GRM1: variants seen among roughly 807,000 people sequenced by gnomAD.
The protein encoded by GRM1 is metabotropic glutamate receptor 1.
In GRM1, 33 loss-of-function variants were observed where a neutral mutation model predicts 90.9. That is an observed-to-expected ratio of 0.36 (90% CI 0.28 to 0.49). The LOEUF (loss-of-function observed/expected upper bound fraction) is 0.49, where lower values mean the gene tolerates loss of function less well. GRM1 is among the 20% of genes least tolerant of loss of function. The probability of loss-of-function intolerance (pLI) is 0.99; values close to 1 mark genes in which losing one functional copy is unlikely to be tolerated. For synonymous variants in GRM1, 700 were observed against 613.2 expected (o/e 1.14, Z -2.09); for missense variants, 1,190 against 1,534.3 (o/e 0.78, Z 3.75).
intron 2 of GRM1, among the ~76,000 whole-genome samples, chr6:146,272,232 C>T (rs1369331085): frequency 6.6e-6 from 1 of 152,182 alleles, no homozygotes; most frequent in Non-Finnish European, 1.5e-5. Flanking sequence ...CTTTTGAGCT[C>T]ATCATTTAAA....
chr6:146,160,698 T>C (rs143351972), intron 2 of GRM1, among the ~76,000 whole-genome samples: 1 of 152,244 alleles, frequency 6.6e-6, no homozygotes, highest in Non-Finnish European at 1.5e-5. Context: ...TAATAATGAC[T>C]GCAATTCTAG....
intron 2 of GRM1, among the ~76,000 whole-genome samples, chr6:146,161,745 C>T (rs1020362642): frequency 3.3e-5 from 5 of 152,148 alleles, no homozygotes; most frequent in Non-Finnish European, 5.9e-5. Context: ...CTACTTTCCA[C>T]GAGTGTCTAT....
chr6:146,136,213 G>C (rs1484126176), intron 1 of GRM1, among the ~76,000 whole-genome samples: 1 of 152,146 alleles, frequency 6.6e-6, no homozygotes, highest in East Asian at 1.9e-4. Flanking sequence ...GCAAATCTTA[G>C]TCATGGTAAA....
At chr6:146,426,235 A>G (rs977583526) in intron 7 of GRM1, among the ~76,000 whole-genome samples, 4 of 152,340 alleles carry the variant, frequency 2.6e-5, no homozygotes, top group African/African-American at 9.6e-5. Context: ...CAGTGTAAGT[A>G]GAGATGAAGT....
chr6:146,046,597 T>C (rs1230852293), intron 1 of GRM1, among the ~76,000 whole-genome samples: 1 of 152,004 alleles, frequency 6.6e-6, no homozygotes, highest in Non-Finnish European at 1.5e-5. Flanking sequence ...AGCCAGCAAG[T>C]TAGTCAATTT....
At position 146,428,420 on chromosome 6, in the gene GRM1, T is replaced by C. The variant is rs191206045; in HGVS notation, c.2661-5452T>C. Among the ~76,000 whole-genome samples, 492 of 152,296 alleles carry C rather than the reference T, an allele frequency of 3.2e-3. 1 individual carries two copies. Among genetic ancestry groups the C allele is most frequent in the African/African-American group, 0.011 (450 of 41,556 alleles). On this transcript the variant is annotated intron_variant, in intron 7 of 7. Transcript: ENST00000282753. ...GTAATTTTTATTGCAATTAGAAAAT[T>C]GGTGAATTTTCCAGTTGCAGGAAAT... is the stretch of plus-strand genomic sequence containing the variant.
intron 5 of GRM1, among the ~76,000 whole-genome samples, chr6:146,362,497 G>C (rs962431053): frequency 6.6e-6 from 1 of 151,816 alleles, no homozygotes; most frequent in African/African-American, 2.4e-5. Context: ...GGCTAACATG[G>C]TGAAACCCCA....
intron 1 of GRM1, among the ~76,000 whole-genome samples, chr6:146,049,052 T>TAA (rs11421228): frequency 2.0e-5 from 3 of 148,360 alleles, no homozygotes; most frequent in East Asian, 4.0e-4. Context: ...CTGCATGTGC[T>TAA]AAAAAAAAAA....
chr6:146,088,353 G>C (rs1232782970), intron 1 of GRM1, among the ~76,000 whole-genome samples: 1 of 152,000 alleles, frequency 6.6e-6, no homozygotes, highest in Non-Finnish European at 1.5e-5. Flanking sequence ...TTCTTTGCCA[G>C]GTATGTGGTC....
Position 146,029,997 on chromosome 6 carries a change from CG to C in GRM1, c.482del (p.Gly161ValfsTer7). 1 of 1,614,130 alleles carries C rather than the reference CG, an allele frequency of 6.2e-7. No individual in the cohort carries two copies. Among genetic ancestry groups the C allele is most frequent in the Non-Finnish European group, 8.5e-7 (1 of 1,180,020 alleles). ...CTAAGAAGCCCATTGCGGGAGTGATCGGTCCCGGCTCCAGCTCTGTAGCCAT... is the reference window on the plus strand; with the variant it reads ...CTAAGAAGCCCATTGCGGGAGTGATCGTCCCGGCTCCAGCTCTGTAGCCAT... ...RTKKPIAGVI[G>X]PGSSSVAIQV... On this transcript the variant is annotated frameshift_variant, in exon 1 of 8. Coordinates refer to ENST00000282753, the MANE Select transcript of GRM1 (RefSeq NM_001278064.2). LOFTEE classifies it high-confidence loss of function.
chr6:146,397,253 C>T (rs1172653145), intron 6 of GRM1, among the ~76,000 whole-genome samples: 1 of 151,846 alleles, frequency 6.6e-6, no homozygotes, highest in Non-Finnish European at 1.5e-5. Flanking sequence ...GAGGCCGAGG[C>T]AGGCTGATCA....
At chr6:146,213,716 A>G (rs1002651554) in intron 2 of GRM1, among the ~76,000 whole-genome samples, 1 of 152,046 alleles carries the variant, frequency 6.6e-6, no homozygotes, top group African/African-American at 2.4e-5. Context: ...AGATAGATAG[A>G]TAGATAGATA....
At chr6:146,286,223 A>G (rs1782762335) in intron 2 of GRM1, among the ~76,000 whole-genome samples, 1 of 152,154 alleles carries the variant, frequency 6.6e-6, no homozygotes, top group Non-Finnish European at 1.5e-5. Flanking sequence ...ACACCTAAAT[A>G]TGTAACTATT....
rs531929357 is a variant in GRM1, at chr6:146,135,875, T to C, written c.701-23473T>C. On this transcript the variant is annotated intron_variant, in intron 1 of 7. Transcript: ENST00000282753. ...CTTGTTATCAAATACTGGATCTCAT[T>C]CATTCTTTCTATTTTTTTATACCCA... is the stretch of plus-strand genomic sequence containing the variant. Among the ~76,000 whole-genome samples the C allele has an allele frequency of 1.6e-4, 25 of 152,244 alleles. No individual in the cohort carries two copies. The South Asian group carries it at 4.3e-3, about 26-fold the overall frequency.
Position 146,147,599 on chromosome 6 carries a change from G to A in GRM1, c.701-11749G>A, listed in dbSNP as rs147020320. Among the ~76,000 whole-genome samples the A allele has an allele frequency of 2.6e-4, 40 of 152,296 alleles. No homozygotes were observed. The East Asian group carries it at 7.5e-3, about 29-fold the overall frequency. ...CCAAGACACAGAAGCTGATGAAACA[G>A]GTTTTATTCAGCATTATTTCCTATT... On this transcript the variant is annotated intron_variant, in intron 1 of 7. Transcript: ENST00000282753.
chr6:146,216,359 G>A (rs1466440479), intron 2 of GRM1, among the ~76,000 whole-genome samples: 1 of 151,968 alleles, frequency 6.6e-6, no homozygotes, highest in Non-Finnish European at 1.5e-5. Context: ...CTTATATCCA[G>A]TTTATAAATC....
At chr6:146,332,586 A>G (rs950000705) in intron 3 of GRM1, among the ~76,000 whole-genome samples, 2 of 152,164 alleles carry the variant, frequency 1.3e-5, no homozygotes, top group African/African-American at 4.8e-5. Context: ...TTAATGGCCC[A>G]TATGGTTTGG....
chr6:146,375,178 G>A (rs1776049376), intron 5 of GRM1, among the ~76,000 whole-genome samples: 1 of 151,944 alleles, frequency 6.6e-6, no homozygotes, highest in Non-Finnish European at 1.5e-5. Flanking sequence ...AGTTTGTGTA[G>A]TGTCCAGAAT....
intron 1 of GRM1, among the ~76,000 whole-genome samples, chr6:146,036,051 G>A (rs377326608): frequency 4.3e-4 from 65 of 151,956 alleles, no homozygotes; most frequent in African/African-American, 1.2e-3. Context: ...TGTTTCTACC[G>A]TGTGGCTTGG....
Sources: gnomAD v4.1 joint callset for allele counts (sites outside exome capture counted in the v4.1 genomes callset) on GRCh38, gnomAD v4.1.1 for gene constraint, MANE v1.5 for transcripts, NCBI Gene and HGNC (gene_info 2026-07-23, HGNC 2026-07-21) for gene names.